Variants in STK39 observed in about 807,000 individuals in gnomAD.
STK39 encodes STE20/SPS1-related proline-alanine-rich protein kinase.
A neutral mutation model predicts 77.8 loss-of-function variants in STK39; 20 were observed. The ratio of observed to expected loss-of-function variants is 0.26; its 90% CI spans 0.18 to 0.37. The LOEUF is 0.37. Ranked by LOEUF, STK39 falls within the 10% of genes least tolerant of loss-of-function variation. The probability of loss-of-function intolerance (pLI) is 1.00; values close to 1 mark genes in which losing one functional copy is unlikely to be tolerated. For missense variants in STK39, 479 were observed against 656.5 expected (o/e 0.73, Z 2.95); for synonymous variants, 246 against 234.1 (o/e 1.05, Z -0.47).
chr2:168,239,436 T>G (rs1690702620), intron 1 of STK39, among the ~76,000 whole-genome samples: 1 of 152,212 alleles, frequency 6.6e-6, no homozygotes, highest in Non-Finnish European at 1.5e-5. Context: ...GCCAGGCCTC[T>G]GCCTGCCTAC....
At chr2:168,088,390 T>C (rs549985212) in intron 10 of STK39, among the ~76,000 whole-genome samples, 1 of 152,234 alleles carries the variant, frequency 6.6e-6, no homozygotes, top group African/African-American at 2.4e-5. Flanking sequence ...GTCTCTATTA[T>C]CAAGGACCAA....
intron 16 of STK39, among the ~76,000 whole-genome samples, chr2:168,012,032 T>C (rs1300163294): frequency 1.3e-5 from 2 of 152,182 alleles, no homozygotes; most frequent in African/African-American, 4.8e-5. Flanking sequence ...GTGCACAGAA[T>C]TGATAGCATC....
chr2:168,104,104 T>C (rs190779232), intron 10 of STK39, among the ~76,000 whole-genome samples: 1 of 152,258 alleles, frequency 6.6e-6, no homozygotes, highest in East Asian at 1.9e-4. Flanking sequence ...CGTGTAAAAC[T>C]GTGCACACCT....
intron 10 of STK39, among the ~76,000 whole-genome samples, chr2:168,126,275 C>T (rs1687539679): frequency 6.6e-6 from 1 of 150,972 alleles, no homozygotes; most frequent in Non-Finnish European, 1.5e-5. Flanking sequence ...GAAGCCAGAG[C>T]AAGATCAACT....
At chr2:168,054,778 A>C (rs202098743) in intron 14 of STK39, among the ~76,000 whole-genome samples, 3 of 10,444 alleles carry the variant, frequency 2.9e-4, no homozygotes, top group African/African-American at 6.5e-4. Flanking sequence ...TGAAAAAAAC[A>C]AAAAAAAAAA....
chr2:168,143,662 T>G (rs1688054030), intron 5 of STK39, among the ~76,000 whole-genome samples: 1 of 151,486 alleles, frequency 6.6e-6, no homozygotes, highest in Non-Finnish European at 1.5e-5. Context: ...TGCAGTGAGC[T>G]GAGATCATGC....
At chr2:168,075,387 A>G (rs1473814093) in intron 10 of STK39, among the ~76,000 whole-genome samples, 156 bp from the exon 11 acceptor site, 1 of 152,194 alleles carries the variant, frequency 6.6e-6, no homozygotes, top group Non-Finnish European at 1.5e-5. Flanking sequence ...CAAAAAGACT[A>G]CACAGCCTCC....
intron 1 of STK39, among the ~76,000 whole-genome samples, chr2:168,199,420 T>C (rs1689555701): frequency 6.6e-6 from 1 of 152,196 alleles, no homozygotes; most frequent in Non-Finnish European, 1.5e-5. Flanking sequence ...GGAAAATCGT[T>C]CCGTTTTGCA....
intron 7 of STK39, among the ~76,000 whole-genome samples, chr2:168,139,209 G>A (rs3754785): frequency 0.035 from 5,309 of 152,138 alleles, 275 homozygotes; most frequent in East Asian, 0.23. Flanking sequence ...GGGAAACACT[G>A]AGAAGAGGCA....
chr2:168,128,277 T>C (rs373376931), intron 10 of STK39, among the ~76,000 whole-genome samples: 3 of 152,308 alleles, frequency 2.0e-5, no homozygotes. Context: ...ACATTTTAAA[T>C]ACTTGATCAA....
chr2:168,239,309 T>C (rs1368253144), intron 1 of STK39, among the ~76,000 whole-genome samples: 1 of 152,192 alleles, frequency 6.6e-6, no homozygotes, highest in African/African-American at 2.4e-5. Flanking sequence ...TGAAGGGCAG[T>C]GTGGGACTTC....
At chr2:168,227,889 C>G (rs1291568242) in intron 1 of STK39, among the ~76,000 whole-genome samples, 1 of 152,112 alleles carries the variant, frequency 6.6e-6, no homozygotes, top group Non-Finnish European at 1.5e-5. Context: ...GATCTCCTGA[C>G]CTAATGATCC....
intron 1 of STK39, among the ~76,000 whole-genome samples, chr2:168,237,022 T>A (rs565418635): frequency 1.3e-5 from 2 of 152,268 alleles, no homozygotes; most frequent in African/African-American, 4.8e-5. Flanking sequence ...ATTGAATCTA[T>A]AAATTACTTT....
chr2:167,955,823 T>C (rs1178915345), intron 17 of STK39, among the ~76,000 whole-genome samples: 1 of 152,192 alleles, frequency 6.6e-6, no homozygotes, highest in East Asian at 1.9e-4. Context: ...TAAAATACCA[T>C]GCCCAGGCTG....
chr2:168,116,126 A>G (rs542034928), intron 10 of STK39, among the ~76,000 whole-genome samples: 2 of 152,262 alleles, frequency 1.3e-5, no homozygotes, highest in South Asian at 4.1e-4. Context: ...CTTCCTGACC[A>G]AGAGCTACTC....
intron 10 of STK39, among the ~76,000 whole-genome samples, chr2:168,094,617 C>T (rs963137064): frequency 3.9e-5 from 6 of 152,138 alleles, no homozygotes; most frequent in Non-Finnish European, 5.9e-5. Flanking sequence ...AACTGCTGAC[C>T]ACCTTCACCT....
intron 16 of STK39, among the ~76,000 whole-genome samples, chr2:168,006,111 G>C (rs1025172294): frequency 4.6e-5 from 7 of 152,278 alleles, no homozygotes; most frequent in African/African-American, 1.7e-4. Flanking sequence ...TACAAAGCTA[G>C]GGAAGGGTGG....
intron 1 of STK39, among the ~76,000 whole-genome samples, chr2:168,191,338 A>G (rs946844899): frequency 5.3e-5 from 8 of 151,812 alleles, no homozygotes; most frequent in African/African-American, 1.7e-4. Flanking sequence ...GCAATATACA[A>G]CCTTGGTGGT....
chr2:168,104,841 A>G (rs1253276233), intron 10 of STK39, among the ~76,000 whole-genome samples: 2 of 152,206 alleles, frequency 1.3e-5, no homozygotes, highest in African/African-American at 4.8e-5. Flanking sequence ...ACACATACAC[A>G]AGAATAATTA....
Sources: gnomAD v4.1 joint callset for allele counts (sites outside exome capture counted in the v4.1 genomes callset) on GRCh38, gnomAD v4.1.1 for gene constraint, MANE v1.5 for transcripts, NCBI Gene and HGNC (gene_info 2026-07-23, HGNC 2026-07-21) for gene names.